Variants in DUOX1 observed in about 807,000 individuals in gnomAD.
The protein encoded by DUOX1 is dual oxidase 1.
DUOX1 carries 134 observed loss-of-function variants against 181.8 expected under a neutral mutation model. That is an observed-to-expected ratio of 0.74 (90% CI 0.64 to 0.85). The LOEUF (loss-of-function observed/expected upper bound fraction) is 0.85, where lower values mean the gene tolerates loss of function less well. Ranked by LOEUF, DUOX1 falls within the 40% of genes least tolerant of loss-of-function variation. The pLI is 0.00. For missense variants in DUOX1, 1,814 were observed against 2,064.4 expected, an observed-to-expected ratio of 0.88 and a Z score of 2.35; for synonymous variants, 798 against 832.5, an observed-to-expected ratio of 0.96 and a Z score of 0.71.
In DUOX1 at chr15:45,147,623, G is replaced by T; in HGVS notation, c.2513G>T (p.Arg838Leu). 6.2e-7 allele frequency: 1 copy of T among 1,614,170 alleles called. No homozygotes were observed. Among genetic ancestry groups the T allele is most frequent in the Non-Finnish European group, 8.5e-7 (1 of 1,180,028 alleles). Residue 838 changes from arginine to leucine, a missense_variant, in exon 19 of 34, where the codon CGA becomes CTA. Physicochemically the swap from Arg to Leu is moderately radical, Grantham distance 102 (BLOSUM62 -2). Around this residue, in one of 5 missense-constraint regions of DUOX1, gnomAD observed 1,064 missense variants for 1,152.9 expected, o/e 0.92. Transcript: ENST00000389037. ...GATGGCAATGGCTACCTGTCCTTCC[G>T]AGAGTTCCTGGACATCCTGGTGGTC... is the stretch of plus-strand genomic sequence containing the variant. ...DKDGNGYLSF[R>L]EFLDILVVFM... is the part of the protein sequence containing the mutation.
At chr15:45,147,851 G>C in intron 19 of DUOX1, 53 bp from the exon 20 acceptor site, 1 of 1,552,238 alleles carries the variant, frequency 6.4e-7, no homozygotes, top group Non-Finnish European at 8.9e-7. Context: ...GGCCAGCCTG[G>C]GGGTTCAGGC....
chr15:45,149,322 C>T (rs1896746295), intron 21 of DUOX1, among the ~76,000 whole-genome samples: 1 of 152,162 alleles, frequency 6.6e-6, no homozygotes, highest in Admixed American at 6.5e-5. Flanking sequence ...ACTCCTGATT[C>T]TGCAGCTTTT....
intron 4 of DUOX1, 118 bp from the exon 5 acceptor site, chr15:45,134,986 C>G: frequency 8.1e-7 from 1 of 1,235,050 alleles, no homozygotes; most frequent in Non-Finnish European, 1.1e-6. Context: ...CTTGGACTTG[C>G]CCATAATGGC....
In DUOX1 at chr15:45,152,333, G is replaced by T; in HGVS notation, c.3241G>T (p.Val1081Leu). 1 of 1,614,166 alleles carries T rather than the reference G, an allele frequency of 6.2e-7. No individual in the cohort carries two copies. The highest frequency in any genetic ancestry group is 8.5e-7 in the Non-Finnish European group (1 of 1,180,022). The change falls in exon 25 of 34, where the codon GTG (valine) becomes TTG (leucine). Residue 1081 changes from valine (V) to leucine (L), a missense_variant. Val to Leu is a conservative substitution (Grantham distance 32). Around this residue, in one of 5 missense-constraint regions of DUOX1, gnomAD observed 1,064 missense variants for 1,152.9 expected, o/e 0.92. Coordinates refer to ENST00000389037, the MANE Select transcript of DUOX1 (RefSeq NM_175940.3). ...CACGGGCATCACAGACACCACCCGC[G>T]TGGGAATCATCCTGTCGCGGGGCAC... ...HHTGITDTTR[V>L]GIILSRGTAA...
At chr15:45,147,687 C>G (rs753228469) in intron 19 of DUOX1, 29 bp downstream of exon 19, 71 of 1,612,814 alleles carry the variant, frequency 4.4e-5, no homozygotes, top group Non-Finnish European at 5.8e-5. Context: ...ATAGGAGAGG[C>G]TGGACAGGGG....
Position 45,143,239 on chromosome 15 carries a change from C to G in DUOX1, c.1872C>G (p.Phe624Leu), listed in dbSNP as rs748573034. Residue 624 changes from phenylalanine to leucine, a missense_variant, in exon 16 of 34, where the codon TTC (phenylalanine) becomes TTG (leucine). Physicochemically the swap from Phe to Leu is conservative, Grantham distance 22. This residue lies in a region of DUOX1 where 1,064 missense variants were observed against 1,152.9 expected (regional missense o/e 0.92). Coordinates refer to ENST00000389037, the MANE Select transcript of DUOX1 (RefSeq NM_175940.3). The stretch of plus-strand genomic sequence containing the variant: ...TTGCCCGGCTCCGGATGAGAAATTT[C>G]AAGAGGCTCCAGGGCCAGGACCGCC... The part of the protein sequence containing the change: ...WIVARLRMRN[F>L]KRLQGQDRQS... 7 of 1,614,018 alleles carry G rather than the reference C, an allele frequency of 4.3e-6. No individual in the cohort carries two copies. In the African/African-American group the frequency reaches 6.7e-5, roughly 15 times the overall value.
chr15:45,137,498 T>A (rs767883291), intron 9 of DUOX1, among the ~76,000 whole-genome samples: 1 of 152,196 alleles, frequency 6.6e-6, no homozygotes, highest in Non-Finnish European at 1.5e-5. Context: ...AGATTTACTC[T>A]GGAATAATCT....
chr15:45,158,505 T>C (rs1429225774), intron 28 of DUOX1, among the ~76,000 whole-genome samples: 1 of 151,806 alleles, frequency 6.6e-6, no homozygotes, highest in Non-Finnish European at 1.5e-5. Flanking sequence ...GATCAGGAGT[T>C]GGAGACCAGT....
chr15:45,155,751 T>C lies in DUOX1; in HGVS notation c.3575-51T>C, dbSNP rs778820977. On this transcript the variant is annotated intron_variant, in intron 27 of 33. Transcript: ENST00000389037. ...GGGACCTTGGAAGCTCCAGAACAGT[T>C]CCCTTTCAAGGCACTGATCTTCTGC... is the stretch of plus-strand genomic sequence containing the variant. 5.6e-6 allele frequency: 9 copies of C among 1,611,214 alleles called. No homozygotes were observed. The African/African-American group carries it at 9.4e-5, about 17-fold the overall frequency.
At chr15:45,136,846 T>TC (rs144582032) in intron 9 of DUOX1, among the ~76,000 whole-genome samples, 4,817 of 151,656 alleles carry the variant, frequency 0.032, 273 homozygotes, top group African/African-American at 0.11. Context: ...GATATTACCC[T>TC]CCCCCCCACC....
intron 1 of DUOX1, among the ~76,000 whole-genome samples, chr15:45,130,366 C>T (rs538747854): frequency 1.3e-5 from 2 of 152,310 alleles, no homozygotes; most frequent in Non-Finnish European, 2.9e-5. Flanking sequence ...GGGTTCTTCT[C>T]CTGGCACCAG....
chr15:45,162,988 G>A (rs1334738671), intron 31 of DUOX1, among the ~76,000 whole-genome samples: 2 of 152,230 alleles, frequency 1.3e-5, no homozygotes, highest in Non-Finnish European at 2.9e-5. Flanking sequence ...CAGCCCATGT[G>A]CTGTCAGCAT....
At position 45,144,096 on chromosome 15, in the gene DUOX1, G is replaced by C. The variant is rs1287554136; in HGVS notation, c.1997G>C (p.Gly666Ala). The change falls in exon 17 of 34, where the codon GGG becomes GCG. Residue 666 changes from glycine to alanine, a missense_variant. Physicochemically the swap from Gly to Ala is moderately conservative, Grantham distance 60. Transcript: ENST00000389037. ...CRPVLVYLQP[G>A]QIRVVDGRLT... Reference sequence around the variant, plus strand: ...CCCGTGCTTGTGTACCTGCAGCCCGGGCAGATCCGTGTGGTAGATGGCAGG... The same window carrying C: ...CCCGTGCTTGTGTACCTGCAGCCCGCGCAGATCCGTGTGGTAGATGGCAGG... The C allele has an allele frequency of 1.2e-6, 2 of 1,614,026 alleles. No individual in the cohort carries two copies. Among genetic ancestry groups the C allele is most frequent in the Non-Finnish European group, 1.7e-6 (2 of 1,180,046 alleles).
chr15:45,134,248 C>T lies in DUOX1; in HGVS notation c.246C>T (p.Ile82=). The T allele has an allele frequency of 1.9e-6, 3 of 1,593,266 alleles. No homozygotes were observed. Among genetic ancestry groups the T allele is most frequent in the Non-Finnish European group, 2.6e-6 (3 of 1,171,852 alleles). Residue 82 remains isoleucine, a synonymous_variant, in exon 4 of 34, where the codon ATC becomes ATT. Transcript: ENST00000389037. ...ACCCCCGAGACCTTAGCAACACCAT[C>T]TCAAGGGGCCCTGCAGGGCTGGCCT... ...LPNPRDLSNT[I]SRGPAGLASL... is the part of the protein sequence containing the mutation.
At chr15:45,142,767 A>AAGGAAG (rs1896535782) in intron 15 of DUOX1, among the ~76,000 whole-genome samples, 2 of 115,158 alleles carry the variant, frequency 1.7e-5, no homozygotes, top group Non-Finnish European at 3.8e-5. Context: ...AAGGAAGGAA[A>AAGGAAG]GAAGGAAGGA....
In DUOX1 at chr15:45,143,917, C is replaced by T. The variant is rs560450888; in HGVS notation, c.1937-119C>T. 16 of 952,874 alleles carry T rather than the reference C, an allele frequency of 1.7e-5. No individual in the cohort carries two copies. The East Asian group carries it at 4.1e-4, about 24-fold the overall frequency. The allele number at this position is 952,874 out of a possible 1,614,324, so 59.0% of individuals were successfully genotyped here. A position where few individuals can be genotyped will look rare whatever the true frequency, so the allele number is the denominator to read the frequency against. On this transcript the variant is annotated intron_variant, in intron 16 of 33. Transcript: ENST00000389037. ...AGGGAGGGAATGACTCTCAGTACCC[C>T]AGAAGGGGACAATGAACTGTGGAGG...
At position 45,136,429 on chromosome 15, in the gene DUOX1, A is replaced by G. The variant is rs1896317717; in HGVS notation, c.925+19A>G. On this transcript the variant is annotated intron_variant, in intron 8 of 33. Transcript: ENST00000389037. ...TATACAGGTGAGGGAGCGGGGAAGGAGGATGGGAGGGCTTGCGTGTGTCTT... is the reference window on the plus strand; with the variant it reads ...TATACAGGTGAGGGAGCGGGGAAGGGGGATGGGAGGGCTTGCGTGTGTCTT... The G allele has an allele frequency of 1.2e-6, 2 of 1,606,454 alleles. No homozygotes were observed. Among genetic ancestry groups the G allele is most frequent in the Non-Finnish European group, 1.7e-6 (2 of 1,173,722 alleles).
In DUOX1 at chr15:45,147,612, C is replaced by T. The variant is rs755524012; in HGVS notation, c.2502C>T (p.Tyr834=). ...TGGCTGACAAGGATGGCAATGGCTA[C>T]CTGTCCTTCCGAGAGTTCCTGGACA... ...FSLADKDGNG[Y]LSFREFLDIL... The change falls in exon 19 of 34, where the codon TAC becomes TAT. Residue 834 remains tyrosine (Y), a synonymous_variant. Coordinates refer to ENST00000389037, the MANE Select transcript of DUOX1 (RefSeq NM_175940.3). 1 of 1,614,174 alleles carries T rather than the reference C, an allele frequency of 6.2e-7. No individual in the cohort carries two copies. Among genetic ancestry groups the T allele is most frequent in the Non-Finnish European group, 8.5e-7 (1 of 1,180,034 alleles).
At chr15:45,133,487 T>C (rs570582552) in intron 2 of DUOX1, among the ~76,000 whole-genome samples, 1 of 152,072 alleles carries the variant, frequency 6.6e-6, no homozygotes, top group Non-Finnish European at 1.5e-5. Context: ...TGGGGATGGA[T>C]TCTGTCCTGT....
Sources: gnomAD v4.1 joint callset for allele counts (sites outside exome capture counted in the v4.1 genomes callset) on GRCh38, gnomAD v4.1.1 for gene constraint, gnomAD v4.1.1 regional missense constraint, MANE v1.5 for transcripts, NCBI Gene and HGNC (gene_info 2026-07-23, HGNC 2026-07-21) for gene names.